CDH11: variants seen among roughly 807,000 people sequenced by gnomAD.
CDH11 encodes the protein cadherin 11.
Under a neutral mutation model 67.8 loss-of-function variants are expected in CDH11, and 11 were observed. The observed-to-expected ratio is 0.16, with a 90% CI of 0.10 to 0.27. The LOEUF (loss-of-function observed/expected upper bound fraction) is 0.27. CDH11 is among the 10% of genes least tolerant of loss of function. CDH11 has a pLI of 1.00. For missense variants in CDH11, 847 were observed against 1,031.2 expected (o/e 0.82, Z 2.45); for synonymous variants, 419 against 400.0 (o/e 1.05, Z -0.57).
At chr16:65,117,999 T>C (rs1441657258) in intron 1 of CDH11, among the ~76,000 whole-genome samples, 1 of 152,142 alleles carries the variant, frequency 6.6e-6, no homozygotes, top group Non-Finnish European at 1.5e-5. Flanking sequence ...ACTAGAGAGA[T>C]GCTAATCCTG....
At chr16:65,029,640 T>G (rs760810500) in intron 2 of CDH11, among the ~76,000 whole-genome samples, 10 of 152,252 alleles carry the variant, frequency 6.6e-5, no homozygotes, top group Non-Finnish European at 1.2e-4. Context: ...AATCAGTTCC[T>G]TAATGAGCAT....
chr16:65,017,579 G>A (rs2073336943), intron 2 of CDH11, among the ~76,000 whole-genome samples: 1 of 152,168 alleles, frequency 6.6e-6, no homozygotes, highest in Non-Finnish European at 1.5e-5. Context: ...GAGGACGACA[G>A]CAGTATTTTC....
At chr16:64,992,878 A>G in intron 5 of CDH11, 37 bp downstream of exon 5, 2 of 1,605,888 alleles carry the variant, frequency 1.2e-6, no homozygotes, top group Non-Finnish European at 1.7e-6. Flanking sequence ...CTTCTTATTC[A>G]CCATGTGTCA....
chr16:65,098,074 T>G (rs893667038), intron 1 of CDH11, among the ~76,000 whole-genome samples: 8 of 151,994 alleles, frequency 5.3e-5, no homozygotes, highest in Non-Finnish European at 8.8e-5. Context: ...CTCAACACGA[T>G]GGAGAAAATC....
At chr16:65,067,158 C>T (rs965578643) in intron 1 of CDH11, among the ~76,000 whole-genome samples, 2 of 151,524 alleles carry the variant, frequency 1.3e-5, no homozygotes, top group Admixed American at 1.3e-4. Flanking sequence ...TAAGAATTTT[C>T]CTTACCAAAA....
intron 1 of CDH11, among the ~76,000 whole-genome samples, chr16:65,096,845 C>T (rs1478518864): frequency 6.6e-6 from 1 of 152,074 alleles, no homozygotes; most frequent in Admixed American, 6.6e-5. Flanking sequence ...ATTCAGTCTC[C>T]TGACAATAGC....
chr16:65,011,339 T>A (rs1197212080), intron 2 of CDH11, among the ~76,000 whole-genome samples: 1 of 152,104 alleles, frequency 6.6e-6, no homozygotes, highest in Admixed American at 6.6e-5. Context: ...GAAGATTGCA[T>A]GACCAACTCC....
chr16:65,073,643 T>C (rs939674127), intron 1 of CDH11, among the ~76,000 whole-genome samples: 2 of 152,140 alleles, frequency 1.3e-5, no homozygotes, highest in Admixed American at 6.5e-5. Flanking sequence ...TCTTAAATTT[T>C]GGACCCTGGG....
At chr16:64,996,491 G>GAAAA (rs34268273) in intron 4 of CDH11, among the ~76,000 whole-genome samples, 3 of 135,128 alleles carry the variant, frequency 2.2e-5, no homozygotes, top group Non-Finnish European at 3.1e-5. Flanking sequence ...CTCTGTCTCA[G>GAAAA]AAAAAAAAAA....
chr16:65,053,353 G>C (rs1368169627), intron 2 of CDH11, among the ~76,000 whole-genome samples: 1 of 152,120 alleles, frequency 6.6e-6, no homozygotes, highest in Non-Finnish European at 1.5e-5. Flanking sequence ...CTCCTGGCTC[G>C]TGATCGAGGG....
intron 8 of CDH11, among the ~76,000 whole-genome samples, chr16:64,976,046 A>G (rs996906702): frequency 6.6e-6 from 1 of 152,210 alleles, no homozygotes; most frequent in Non-Finnish European, 1.5e-5. Context: ...TAATTACAAG[A>G]TCAAAAATAT....
chr16:65,112,062 T>G, intron 1 of CDH11, among the ~76,000 whole-genome samples: 1 of 123,884 alleles, frequency 8.1e-6, no homozygotes, highest in South Asian at 2.9e-4. Flanking sequence ...AGAGGGAGAC[T>G]CTGTCTCAAA....
At chr16:65,040,216 A>T (rs568526788) in intron 2 of CDH11, among the ~76,000 whole-genome samples, 1 of 152,204 alleles carries the variant, frequency 6.6e-6, no homozygotes, top group African/African-American at 2.4e-5. Flanking sequence ...TATATACCCA[A>T]AGGATTATAA....
Position 64,945,166 on chromosome 16 carries a change from C to G in CDH11, c.*2437G>C, listed in dbSNP as rs1246595529. ...GTGATTACTTTAGAATAAGGAAGGA[C>G]CGTTTAAATTAAGACTTCTTTTAAG... On this transcript the variant is annotated 3_prime_UTR_variant, in exon 13 of 13. Transcript: ENST00000268603. 4.9e-6 allele frequency: 1 copy of G among 203,554 alleles called. No homozygotes were observed. Among genetic ancestry groups the G allele is most frequent in the East Asian group, 7.6e-5 (1 of 13,134 alleles). The allele number at this position is 203,554 out of a possible 1,614,324, so 12.6% of individuals were successfully genotyped here.
chr16:64,955,949 G>C (rs2071497277), intron 11 of CDH11, among the ~76,000 whole-genome samples: 1 of 152,036 alleles, frequency 6.6e-6, no homozygotes, highest in African/African-American at 2.4e-5. Context: ...GCATTACCAA[G>C]GTTTATGGAT....
chr16:64,976,505 A>T (rs938199926), intron 8 of CDH11, among the ~76,000 whole-genome samples: 1 of 152,198 alleles, frequency 6.6e-6, no homozygotes, highest in African/African-American at 2.4e-5. Context: ...AATGTCCTCA[A>T]AGTTGAAGAG....
chr16:65,049,680 T>G (rs1227821349), intron 2 of CDH11, among the ~76,000 whole-genome samples: 3 of 152,192 alleles, frequency 2.0e-5, no homozygotes, highest in Non-Finnish European at 4.4e-5. Flanking sequence ...GATGTTCAGG[T>G]GACCTACCAC....
At chr16:65,107,523 A>G (rs1379074518) in intron 1 of CDH11, among the ~76,000 whole-genome samples, 2 of 152,130 alleles carry the variant, frequency 1.3e-5, no homozygotes, top group East Asian at 3.9e-4. Flanking sequence ...GTCTCTTTCT[A>G]TCAGTTCCTT....
intron 2 of CDH11, among the ~76,000 whole-genome samples, chr16:65,050,050 G>A (rs1183330556): frequency 6.6e-6 from 1 of 152,136 alleles, no homozygotes; most frequent in Admixed American, 6.5e-5. Context: ...CCTGCGACCA[G>A]CAATTCCTGC....
Sources: gnomAD v4.1 joint callset for allele counts (sites outside exome capture counted in the v4.1 genomes callset) on GRCh38, gnomAD v4.1.1 for gene constraint, MANE v1.5 for transcripts, NCBI Gene and HGNC (gene_info 2026-07-23, HGNC 2026-07-21) for gene names.